KMT2C: variants seen among roughly 807,000 people sequenced by gnomAD.
KMT2C encodes the protein lysine methyltransferase 2C.
Under a neutral mutation model 507.9 loss-of-function variants are expected in KMT2C, and 88 were observed. The observed-to-expected ratio is 0.17, with a 90% CI of 0.15 to 0.21. KMT2C has a LOEUF of 0.21. KMT2C is among the 10% of genes least tolerant of loss of function. KMT2C has a pLI of 1.00. For synonymous variants in KMT2C, 2,049 were observed against 2,080.8 expected (o/e 0.98, Z 0.42); for missense variants, 4,954 against 5,957.8 (o/e 0.83, Z 5.55).
Position 152,138,989 on chromosome 7 carries a change from T to C in KMT2C, c.14535-85A>G. ...TTCCCATTTATTGATAAAGCAGTTT[T>C]TGCTAATTAAATTTCTATTTGCCCA... On this transcript the variant is annotated intron_variant, in intron 57 of 58. Transcript: ENST00000262189. The surrounding 1 kb of genome is among the most constrained non-coding windows in gnomAD (Gnocchi z 4.2). The C allele has an allele frequency of 8.8e-7, 1 of 1,141,086 alleles. No homozygotes were observed. The highest frequency in any genetic ancestry group is 1.3e-6 in the Non-Finnish European group (1 of 759,348). The allele number at this position is 1,141,086 out of a possible 1,614,324, so 70.7% of individuals were successfully genotyped here.
rs528485530 is a variant in KMT2C at position 152,307,773 on chromosome 7, C to T, written c.849+2193G>A. On this transcript the variant is annotated intron_variant, in intron 6 of 58. Coordinates refer to ENST00000262189, the MANE Select transcript of KMT2C (RefSeq NM_170606.3). Reference sequence around the variant, plus strand: ...AGGCAAGTTTTCTTTTAACTACCTTCCTAGCAAACAGAGGTAGGAAATACA... The same window carrying T: ...AGGCAAGTTTTCTTTTAACTACCTTTCTAGCAAACAGAGGTAGGAAATACA... Among the ~76,000 whole-genome samples, 5 of 152,266 alleles carry T rather than the reference C, an allele frequency of 3.3e-5. No individual in the cohort carries two copies. The East Asian group carries it at 5.8e-4, about 18-fold the overall frequency.
At chr7:152,337,393 A>G (rs1563912940) in intron 2 of KMT2C, among the ~76,000 whole-genome samples, 2 of 152,224 alleles carry the variant, frequency 1.3e-5, no homozygotes, top group Non-Finnish European at 2.9e-5. Flanking sequence ...TGGGGATGCA[A>G]AGATAAATTA....
At chr7:152,185,960 T>TGC (rs2093614390) in intron 33 of KMT2C, among the ~76,000 whole-genome samples, 1 of 152,068 alleles carries the variant, frequency 6.6e-6, no homozygotes, top group Non-Finnish European at 1.5e-5. Context: ...AAAGTACAAG[T>TGC]TTGTAAAACA....
At chr7:152,323,693 A>AG (rs1306616210) in intron 3 of KMT2C, among the ~76,000 whole-genome samples, 8 of 146,138 alleles carry the variant, frequency 5.5e-5, no homozygotes, top group Admixed American at 2.0e-4. Flanking sequence ...AAAAAAGGAA[A>AG]GAAGGAAGGA....
chr7:152,225,241 TA>T (rs2094891392), intron 18 of KMT2C, among the ~76,000 whole-genome samples: 2 of 152,176 alleles, frequency 1.3e-5, no homozygotes, highest in South Asian at 4.1e-4. Context: ...TGGAACTTCT[TA>T]AAGATCTCAA....
chr7:152,167,034 C>T (rs1042885852), intron 42 of KMT2C, 112 bp downstream of exon 42: 2 of 801,142 alleles, frequency 2.5e-6, no homozygotes, highest in African/African-American at 3.5e-5. Context: ...CTTTTAATGC[C>T]ATTTAATACT....
At position 152,206,596 on chromosome 7, in the gene KMT2C, T is replaced by C. The variant is rs373280402; in HGVS notation, c.3841+704A>G. Among the ~76,000 whole-genome samples, 70 of 152,268 alleles carry C rather than the reference T, an allele frequency of 4.6e-4. 1 individual carries two copies. Among genetic ancestry groups the C allele is most frequent in the African/African-American group, 1.6e-3 (67 of 41,568 alleles). On this transcript the variant is annotated intron_variant, in intron 24 of 58. Transcript: ENST00000262189. ...TGTACAAATCCAATTTAAAACCTCA[T>C]TGGTAAACAAGATATTAATAAACTG...
At chr7:152,369,952 C>T (rs1232011344) in intron 1 of KMT2C, among the ~76,000 whole-genome samples, 1 of 152,098 alleles carries the variant, frequency 6.6e-6, no homozygotes, top group African/African-American at 2.4e-5. Flanking sequence ...TGGCTCATGC[C>T]TGTAATCCCA....
intron 1 of KMT2C, among the ~76,000 whole-genome samples, chr7:152,397,665 CCCA>C (rs2097545261): frequency 6.6e-6 from 1 of 152,082 alleles, no homozygotes; most frequent in Non-Finnish European, 1.5e-5. Flanking sequence ...TCCCATAATT[CCCA>C]CGTGTTGTGG....
At chr7:152,380,962 G>A (rs1163218539) in intron 1 of KMT2C, among the ~76,000 whole-genome samples, 2 of 152,248 alleles carry the variant, frequency 1.3e-5, no homozygotes, top group African/African-American at 4.8e-5. Flanking sequence ...TTAGCAGAGA[G>A]ACTCCAAAAG....
chr7:152,337,847 T>C lies in KMT2C; in HGVS notation c.251-7108A>G, dbSNP rs906722883. Among the ~76,000 whole-genome samples the C allele has an allele frequency of 2.6e-4, 39 of 151,522 alleles. 1 individual carries two copies. The highest frequency in any genetic ancestry group is 9.2e-4 in the African/African-American group (38 of 41,138). ...TGGATTCACTTGTCCACCTCACTTA[T>C]ACAACTTGATTTTTTTTTTTTTTTT... On this transcript the variant is annotated intron_variant, in intron 2 of 58. Transcript: ENST00000262189.
At chr7:152,183,578 A>G (rs1415811886) in intron 34 of KMT2C, among the ~76,000 whole-genome samples, 1 of 152,040 alleles carries the variant, frequency 6.6e-6, no homozygotes, top group Non-Finnish European at 1.5e-5. Flanking sequence ...CCTGACCAAC[A>G]TGGTGAAACC....
At chr7:152,435,459 G>A (rs1043680362) in intron 1 of KMT2C, among the ~76,000 whole-genome samples, 167 bp downstream of exon 1, 15 of 145,976 alleles carry the variant, frequency 1.0e-4, no homozygotes, top group African/African-American at 3.7e-4. Flanking sequence ...GGCGGCTACC[G>A]AGGGGCGCGG....
intron 3 of KMT2C, among the ~76,000 whole-genome samples, chr7:152,319,853 C>T (rs1326888508): frequency 1.3e-5 from 2 of 152,158 alleles, no homozygotes. Flanking sequence ...TCTGCCTCAG[C>T]TGCCAGGCAG....
chr7:152,367,379 C>A (rs900682159), intron 1 of KMT2C: 1 of 701,362 alleles, frequency 1.4e-6, no homozygotes, highest in African/African-American at 1.8e-5. Flanking sequence ...GGGGCACCCC[C>A]GGCTGGCACC....
intron 1 of KMT2C, among the ~76,000 whole-genome samples, chr7:152,421,011 A>G (rs1391423188): frequency 6.6e-6 from 1 of 152,018 alleles, no homozygotes; most frequent in Non-Finnish European, 1.5e-5. Context: ...CTAGAATTTA[A>G]AGTATAATAA....
chr7:152,358,994 G>C (rs2097174211), intron 1 of KMT2C, among the ~76,000 whole-genome samples: 1 of 152,126 alleles, frequency 6.6e-6, no homozygotes, highest in South Asian at 2.1e-4. Context: ...TCTGTCTACA[G>C]TAGTGGCTTT....
chr7:152,270,212 G>C (rs1351886853), intron 7 of KMT2C, among the ~76,000 whole-genome samples: 1 of 152,106 alleles, frequency 6.6e-6, no homozygotes, highest in Non-Finnish European at 1.5e-5. Flanking sequence ...AGGCTAGACC[G>C]TATCATTGGC....
At chr7:152,349,252 C>T (rs1351273181) in intron 2 of KMT2C, among the ~76,000 whole-genome samples, 1 of 151,998 alleles carries the variant, frequency 6.6e-6, no homozygotes, top group Admixed American at 6.5e-5. Flanking sequence ...TCGAGACCAG[C>T]CTGATCAACA....
Sources: allele counts gnomAD v4.1 joint callset (sites outside exome capture counted in the v4.1 genomes callset), GRCh38; gene constraint gnomAD v4.1.1; non-coding constraint Gnocchi (gnomAD v3.1); transcripts MANE v1.5; gene names NCBI Gene and HGNC (gene_info 2026-07-23, HGNC 2026-07-21).